The following CSMD2 variants were observed in gnomAD, a reference collection of about 807,000 sequenced individuals.
CSMD2 encodes CUB and Sushi multiple domains 2.
A neutral mutation model predicts 398.5 loss-of-function variants in CSMD2; 130 were observed. That is an observed-to-expected ratio of 0.33 (90% confidence interval 0.28 to 0.38). CSMD2 has a LOEUF of 0.38. Ranked by LOEUF, CSMD2 falls within the 10% of genes least tolerant of loss-of-function variation. CSMD2 has a pLI of 1.00. For synonymous variants in CSMD2, 1,828 were observed against 1,908.5 expected (o/e 0.96, Z 1.10); for missense variants, 3,829 against 4,764.9 (o/e 0.80, Z 5.78).
At chr1:33,860,958 A>C (rs1639454426) in intron 5 of CSMD2, 1 of 152,210 alleles carries the variant, frequency 6.6e-6, no homozygotes, top group Admixed American at 6.5e-5. Context: ...GTAGAAAATA[A>C]GAGTATGTCA....
Position 33,624,220 on chromosome 1 carries a change from C to G in CSMD2, c.5625+299G>C, listed in dbSNP as rs1230549516. On this transcript the variant is annotated intron_variant, in intron 35 of 70. Coordinates refer to ENST00000373381, the MANE Select transcript of CSMD2 (RefSeq NM_001281956.2). The surrounding 1 kb of genome is among the most constrained non-coding windows in gnomAD (Gnocchi z 4.7). ...AGGCCCATTTCTTCTTTTAGCCTCC[C>G]CTCCTGGCCATGGCCAATCAATGCC... 1.3e-5 allele frequency among the ~76,000 whole-genome samples: 2 copies of G among 152,202 alleles called. No individual in the cohort carries two copies. Among genetic ancestry groups the G allele is most frequent in the Non-Finnish European group, 1.5e-5 (1 of 68,038 alleles).
intron 2 of CSMD2, among the ~76,000 whole-genome samples, chr1:34,087,982 GC>G (rs906317817): frequency 1.3e-5 from 2 of 151,890 alleles, no homozygotes; most frequent in African/African-American, 4.8e-5. Context: ...GGCCCCAGAT[GC>G]CCCCCCGCCT....
chr1:33,719,858 C>G (rs1274885321), intron 19 of CSMD2, among the ~76,000 whole-genome samples: 1 of 152,148 alleles, frequency 6.6e-6, no homozygotes, highest in Non-Finnish European at 1.5e-5. Context: ...GGCTGGCACA[C>G]AGTAGGGGTG....
intron 3 of CSMD2, among the ~76,000 whole-genome samples, chr1:33,959,201 A>G (rs1645266877): frequency 6.6e-6 from 1 of 152,220 alleles, no homozygotes; most frequent in African/African-American, 2.4e-5. Context: ...CTGAGCCTAG[A>G]TAAAAAATGC....
chr1:34,023,789 T>C (rs781679772), intron 3 of CSMD2, among the ~76,000 whole-genome samples: 1 of 152,158 alleles, frequency 6.6e-6, no homozygotes, highest in Non-Finnish European at 1.5e-5. Flanking sequence ...CCATTTTTCA[T>C]AGGAGGAGTC....
chr1:34,068,469 G>A (rs1655361374), intron 2 of CSMD2, among the ~76,000 whole-genome samples: 2 of 152,206 alleles, frequency 1.3e-5, no homozygotes, highest in African/African-American at 4.8e-5. Context: ...TCATACCCAT[G>A]TTATTATTAG....
chr1:33,782,492 G>C (rs1652909895), intron 12 of CSMD2, among the ~76,000 whole-genome samples: 1 of 152,184 alleles, frequency 6.6e-6, no homozygotes, highest in Non-Finnish European at 1.5e-5. Context: ...TTGATGGGGA[G>C]AGACTGGCAC....
At chr1:33,672,642 C>A (rs973625811) in intron 25 of CSMD2, among the ~76,000 whole-genome samples, 1 of 152,240 alleles carries the variant, frequency 6.6e-6, no homozygotes, top group African/African-American at 2.4e-5. Context: ...AGCTTGAGAT[C>A]TGAGAATGGG....
At chr1:33,648,716 C>G (rs1643595477) in intron 28 of CSMD2, among the ~76,000 whole-genome samples, 1 of 152,156 alleles carries the variant, frequency 6.6e-6, no homozygotes, top group African/African-American at 2.4e-5. Context: ...AGAGAGACTC[C>G]TTCTGCCCGA....
At chr1:33,553,454 C>T (rs1364285875) in intron 55 of CSMD2, among the ~76,000 whole-genome samples, 1 of 152,170 alleles carries the variant, frequency 6.6e-6, no homozygotes, top group Non-Finnish European at 1.5e-5. Context: ...ACTGGCCATT[C>T]CTTGTCTATC....
At chr1:33,784,539 C>T (rs567651197) in intron 12 of CSMD2, among the ~76,000 whole-genome samples, 5 of 152,346 alleles carry the variant, frequency 3.3e-5, no homozygotes, top group South Asian at 2.1e-4. Context: ...CAGGCTCCTG[C>T]GAGCCTGATT....
intron 3 of CSMD2, among the ~76,000 whole-genome samples, chr1:34,003,091 T>C (rs1233670818): frequency 1.3e-5 from 2 of 152,068 alleles, no homozygotes; most frequent in Non-Finnish European, 2.9e-5. Context: ...CTAAGCGAGC[T>C]CCAAGGGTAC....
rs577688852 is a variant in CSMD2 at position 34,114,775 on chromosome 1, G to GACAAAGAATTCA, written c.188-25594_188-25583dup. ...AGAAATGGAGATCTATTAATTATTT[G>GACAAAGAATTCA]ACAAAGAATTCAAAATCATTGTCTT... On this transcript the variant is annotated intron_variant, in intron 1 of 70. Transcript: ENST00000373381. Among the ~76,000 whole-genome samples, 328 of 152,228 alleles carry GACAAAGAATTCA rather than the reference G, an allele frequency of 2.2e-3. 1 individual carries two copies. Among genetic ancestry groups the GACAAAGAATTCA allele is most frequent in the Non-Finnish European group, 4.0e-3 (273 of 68,012 alleles).
intron 39 of CSMD2, among the ~76,000 whole-genome samples, chr1:33,615,343 G>A (rs537851430): frequency 6.6e-6 from 1 of 152,356 alleles, no homozygotes; most frequent in Admixed American, 6.5e-5. Flanking sequence ...GGAAAAGGTT[G>A]TGTGAACAGA....
chr1:33,839,912 AT>A (rs757266529), intron 6 of CSMD2: 1 of 153,632 alleles, frequency 6.5e-6, no homozygotes, highest in Non-Finnish European at 1.5e-5. Flanking sequence ...AGTCGAGAAA[AT>A]TATGCAAAGC....
chr1:34,137,060 C>G (rs1638823957), intron 1 of CSMD2, among the ~76,000 whole-genome samples: 1 of 152,064 alleles, frequency 6.6e-6, no homozygotes, highest in South Asian at 2.1e-4. Flanking sequence ...TTATCCATCC[C>G]CCCATCTAAT....
At chr1:33,822,409 G>A (rs763820511) in intron 7 of CSMD2, among the ~76,000 whole-genome samples, 9 of 152,162 alleles carry the variant, frequency 5.9e-5, no homozygotes, top group Non-Finnish European at 7.4e-5. Context: ...GAAGTAGACC[G>A]TGTTTAAACC....
At chr1:34,100,830 C>CT (rs1305702421) in intron 1 of CSMD2, among the ~76,000 whole-genome samples, 2 of 152,164 alleles carry the variant, frequency 1.3e-5, no homozygotes, top group African/African-American at 4.8e-5. Context: ...TGGAAAATGC[C>CT]TTTCCACGGC....
chr1:33,605,311 T>C lies in CSMD2; in HGVS notation c.6503A>G (p.Asn2168Ser), dbSNP rs1419003651. 6.2e-7 allele frequency: 1 copy of C among 1,614,158 alleles called. No homozygotes were observed. Among genetic ancestry groups the C allele is most frequent in the Admixed American group, 1.7e-5 (1 of 60,028 alleles). The change falls in exon 42 of 71, where the codon AAC becomes AGC. Residue 2168 changes from asparagine (N) to serine (S), a missense_variant. By Grantham distance (46) the Asn-to-Ser change is conservative. Around this residue, in one of 5 missense-constraint regions of CSMD2, gnomAD observed 723 missense variants for 758.6 expected, o/e 0.95. Coordinates refer to ENST00000373381, the MANE Select transcript of CSMD2 (RefSeq NM_001281956.2). ...VLTCQHGTNR[N>S]WDHPLPKCEV... The stretch of plus-strand genomic sequence containing the variant: ...ACACTTGGGCAGGGGGTGGTCCCAG[T>C]TCCGGTTGGTGCCATGTTGACACGT...
Sources: gnomAD v4.1 joint callset for allele counts (sites outside exome capture counted in the v4.1 genomes callset) on GRCh38, gnomAD v4.1.1 for gene constraint, gnomAD v4.1.1 regional missense constraint, Gnocchi (gnomAD v3.1) non-coding constraint, MANE v1.5 for transcripts, NCBI Gene and HGNC (gene_info 2026-07-23, HGNC 2026-07-21) for gene names.